GALNTL5: variants seen among roughly 807,000 people sequenced by gnomAD.
GALNTL5 encodes the protein polypeptide N-acetylgalactosaminyltransferase like 5.
Under a neutral mutation model 51.0 loss-of-function variants are expected in GALNTL5, and 44 were observed. The ratio of observed to expected loss-of-function variants is 0.86; its 90% CI spans 0.68 to 1.11. The LOEUF (loss-of-function observed/expected upper bound fraction) is 1.11. Among genes scored for constraint, GALNTL5 ranks in the 50% least tolerant of loss-of-function variants. GALNTL5 has a pLI of 0.00. For synonymous variants in GALNTL5, 192 were observed against 182.8 expected, an observed-to-expected ratio of 1.05 and a Z score of -0.41; for missense variants, 528 against 531.8, an observed-to-expected ratio of 0.99 and a Z score of 0.07.
At chr7:152,016,861 C>A (rs888598174) in intron 8 of GALNTL5, among the ~76,000 whole-genome samples, 2 of 151,826 alleles carry the variant, frequency 1.3e-5, no homozygotes, top group East Asian at 3.9e-4. Flanking sequence ...GTGGTGAAAC[C>A]TCATCTCTAC....
intron 3 of GALNTL5, among the ~76,000 whole-genome samples, chr7:151,972,031 C>A (rs1353246776): frequency 1.3e-5 from 2 of 152,136 alleles, no homozygotes; most frequent in Non-Finnish European, 2.9e-5. Flanking sequence ...AGGAGTGGGG[C>A]ACTGCTATAA....
At chr7:151,999,723 G>A (rs927041866) in intron 5 of GALNTL5, among the ~76,000 whole-genome samples, 3 of 152,066 alleles carry the variant, frequency 2.0e-5, no homozygotes, top group African/African-American at 4.8e-5. Flanking sequence ...ATAATGTTAC[G>A]TAATATTATA....
intron 8 of GALNTL5, among the ~76,000 whole-genome samples, chr7:152,019,227 G>A (rs1004487952): frequency 1.3e-5 from 2 of 152,206 alleles, no homozygotes; most frequent in African/African-American, 4.8e-5. Flanking sequence ...TTGAATCCAG[G>A]CTGTACTCCT....
chr7:151,982,729 A>G, intron 3 of GALNTL5: 1 of 579,338 alleles, frequency 1.7e-6, no homozygotes, highest in Non-Finnish European at 3.0e-6. Context: ...TAGAACTGAG[A>G]TTATCAACAC....
intron 5 of GALNTL5, among the ~76,000 whole-genome samples, chr7:151,997,590 C>T (rs2081515812): frequency 6.6e-6 from 1 of 152,126 alleles, no homozygotes; most frequent in South Asian, 2.1e-4. Context: ...TTCAGTAATA[C>T]CCCATATTAA....
At chr7:151,981,156 T>G (rs10227907) in intron 3 of GALNTL5, among the ~76,000 whole-genome samples, 32,132 of 151,896 alleles carry the variant, frequency 0.21, 4,016 homozygotes, top group African/African-American at 0.35. Flanking sequence ...TATTTGATCT[T>G]GGAAAAGGTA....
chr7:151,986,203 T>C (rs2151948782), intron 4 of GALNTL5, among the ~76,000 whole-genome samples: 1 of 152,244 alleles, frequency 6.6e-6, no homozygotes, highest in African/African-American at 2.4e-5. Context: ...TCGATAACTT[T>C]CCCAAGAGCT....
intron 3 of GALNTL5, among the ~76,000 whole-genome samples, chr7:151,971,822 T>TTC (rs34094897): frequency 0.053 from 7,940 of 150,552 alleles, 679 homozygotes; most frequent in African/African-American, 0.18. Flanking sequence ...TTCCCCTGCA[T>TTC]TCTCTCTCTC....
chr7:152,017,231 G>A (rs2081830984), intron 8 of GALNTL5, among the ~76,000 whole-genome samples: 1 of 152,128 alleles, frequency 6.6e-6, no homozygotes, highest in Non-Finnish European at 1.5e-5. Flanking sequence ...ATATGGTATG[G>A]CCCATTGCTC....
At chr7:151,958,399 C>T (rs925185836) in intron 1 of GALNTL5, among the ~76,000 whole-genome samples, 5 of 152,220 alleles carry the variant, frequency 3.3e-5, no homozygotes, top group African/African-American at 4.8e-5. Context: ...AGATGCCAAC[C>T]GCCACAGAGC....
intron 8 of GALNTL5, among the ~76,000 whole-genome samples, chr7:152,016,719 C>T (rs1344240005): frequency 6.6e-6 from 1 of 152,064 alleles, no homozygotes; most frequent in African/African-American, 2.4e-5. Flanking sequence ...TATATTTAGT[C>T]GCTATAATCC....
chr7:151,976,964 G>A (rs931309598), intron 3 of GALNTL5, among the ~76,000 whole-genome samples: 2 of 152,066 alleles, frequency 1.3e-5, no homozygotes, highest in Non-Finnish European at 2.9e-5. Context: ...CACTGCACCT[G>A]GCCTATTATT....
chr7:151,993,315 A>G (rs1409302794), intron 5 of GALNTL5, among the ~76,000 whole-genome samples: 39 of 151,744 alleles, frequency 2.6e-4, no homozygotes, highest in Non-Finnish European at 5.9e-5. Flanking sequence ...TACCAGACTC[A>G]TAGAACAAAT....
chr7:151,968,187 T>A (rs1661679112), intron 2 of GALNTL5, among the ~76,000 whole-genome samples: 1 of 151,864 alleles, frequency 6.6e-6, no homozygotes, highest in Non-Finnish European at 1.5e-5. Flanking sequence ...CAGTCCCAGC[T>A]ACTTGGAGAG....
intron 5 of GALNTL5, among the ~76,000 whole-genome samples, chr7:151,988,147 G>A (rs2081384253): frequency 6.6e-6 from 1 of 152,210 alleles, no homozygotes; most frequent in African/African-American, 2.4e-5. Context: ...GACCAGGCAT[G>A]GACCAGTCAT....
intron 4 of GALNTL5, 63 bp from the exon 5 acceptor site, chr7:151,987,096 A>T (rs1338901232): frequency 1.7e-5 from 23 of 1,362,378 alleles, no homozygotes; most frequent in Non-Finnish European, 2.1e-5. Flanking sequence ...CATAATGATG[A>T]TACACTGTTT....
At chr7:151,986,607 C>A (rs944629686) in intron 4 of GALNTL5, among the ~76,000 whole-genome samples, 1 of 151,972 alleles carries the variant, frequency 6.6e-6, no homozygotes, top group Admixed American at 6.6e-5. Flanking sequence ...TGCACTCCAA[C>A]GTTGGTAACA....
chr7:152,000,992 G>A (rs563425134), intron 5 of GALNTL5, among the ~76,000 whole-genome samples: 79 of 145,410 alleles, frequency 5.4e-4, no homozygotes, highest in East Asian at 5.0e-3. Flanking sequence ...TGCAACCTCC[G>A]CCTCCTGGGG....
chr7:152,009,610 C>T (rs1000393454), intron 7 of GALNTL5, among the ~76,000 whole-genome samples: 2 of 152,188 alleles, frequency 1.3e-5, no homozygotes, highest in African/African-American at 2.4e-5. Context: ...TCCTCTGCTC[C>T]TGTGAAGCCA....
Sources: allele counts gnomAD v4.1 joint callset (sites outside exome capture counted in the v4.1 genomes callset), GRCh38; gene constraint gnomAD v4.1.1; transcripts MANE v1.5; gene names NCBI Gene and HGNC (gene_info 2026-07-23, HGNC 2026-07-21).